The following EPB41L3 variants were observed in gnomAD, a reference collection of about 807,000 sequenced individuals.
EPB41L3 encodes the protein erythrocyte membrane protein band 4.1 like 3.
EPB41L3 carries 57 observed loss-of-function variants against 127.1 expected under a neutral mutation model. That is an observed-to-expected ratio of 0.45 (90% CI 0.36 to 0.56). EPB41L3 has a LOEUF of 0.56. EPB41L3 is among the 20% of genes least tolerant of loss of function. The pLI is 0.00. For missense variants in EPB41L3, 1,273 were observed against 1,372.2 expected (o/e 0.93, Z 1.14); for synonymous variants, 572 against 549.5 (o/e 1.04, Z -0.57).
intron 3 of EPB41L3, among the ~76,000 whole-genome samples, chr18:5,584,953 C>T (rs2094429548): frequency 6.6e-6 from 1 of 152,190 alleles, no homozygotes; most frequent in Non-Finnish European, 1.5e-5. Flanking sequence ...CTGTGTGACT[C>T]TTACTGTCTC....
intron 3 of EPB41L3, among the ~76,000 whole-genome samples, chr18:5,560,540 A>G (rs2094109767): frequency 6.6e-6 from 1 of 152,250 alleles, no homozygotes; most frequent in African/African-American, 2.4e-5. Flanking sequence ...CAGGTAAAGT[A>G]CAAGTTCTTC....
chr18:5,467,055 G>A (rs2085125841), intron 3 of EPB41L3, among the ~76,000 whole-genome samples: 1 of 152,172 alleles, frequency 6.6e-6, no homozygotes, highest in Non-Finnish European at 1.5e-5. Flanking sequence ...CTCCAGAAGG[G>A]AAGGTTAGGG....
chr18:5,489,017 G>T lies in EPB41L3; in HGVS notation c.167C>A (p.Thr56Asn). The T allele has an allele frequency of 1.3e-6, 2 of 1,586,160 alleles. No individual in the cohort carries two copies. The highest frequency in any genetic ancestry group is 8.5e-7 in the Non-Finnish European group (1 of 1,174,434). ...TGGGCTCACCTCCCTCCGCACCGGG[G>T]TGCTGTGCGCTGCAGCGGCGGCGAA... ...EQFAAAAAHSTPVRREVTDKE... is the reference protein window; with the variant it reads ...EQFAAAAAHSNPVRREVTDKE... Residue 56 changes from threonine (T) to asparagine (N), a missense_variant, in exon 2 of 23, where the codon ACC becomes AAC. Transcript: ENST00000341928.
At chr18:5,460,702 A>T (rs1323033592) in intron 3 of EPB41L3, among the ~76,000 whole-genome samples, 1 of 152,162 alleles carries the variant, frequency 6.6e-6, no homozygotes. Flanking sequence ...GTTTAATCTT[A>T]AACTGGCCCT....
At chr18:5,571,796 T>C (rs191111301) in intron 3 of EPB41L3, among the ~76,000 whole-genome samples, 24 of 151,676 alleles carry the variant, frequency 1.6e-4, no homozygotes, top group Admixed American at 1.3e-4. Context: ...TTCCCAAATA[T>C]GTTGGCAACA....
intron 3 of EPB41L3, among the ~76,000 whole-genome samples, chr18:5,472,193 A>G (rs1206426234): frequency 1.3e-5 from 2 of 152,224 alleles, no homozygotes; most frequent in Non-Finnish European, 2.9e-5. Context: ...TGTTTTAATG[A>G]AACCTTATTG....
At chr18:5,575,003 C>T (rs1056382975) in intron 3 of EPB41L3, among the ~76,000 whole-genome samples, 6 of 152,154 alleles carry the variant, frequency 3.9e-5, no homozygotes, top group South Asian at 2.1e-4. Context: ...CCCTTCATCA[C>T]TTCCTGTACC....
At chr18:5,496,347 A>G (rs2091176319) in intron 1 of EPB41L3, among the ~76,000 whole-genome samples, 1 of 152,246 alleles carries the variant, frequency 6.6e-6, no homozygotes, top group South Asian at 2.1e-4. Flanking sequence ...AACACCAAGA[A>G]TCTTTGGTTG....
chr18:5,512,676 TGAG>T (rs1260996959), intron 1 of EPB41L3, among the ~76,000 whole-genome samples: 5 of 152,040 alleles, frequency 3.3e-5, no homozygotes, highest in African/African-American at 1.2e-4. Flanking sequence ...AGAAAGAAGA[TGAG>T]GGGTTGAATA....
intron 16 of EPB41L3, chr18:5,398,694 G>A: frequency 2.5e-6 from 1 of 399,476 alleles, no homozygotes; most frequent in Non-Finnish European, 4.4e-6. Flanking sequence ...ATGGGCAGTA[G>A]CAACGGTAAA....
chr18:5,584,086 G>A (rs1170954742), intron 3 of EPB41L3, among the ~76,000 whole-genome samples: 2 of 152,196 alleles, frequency 1.3e-5, no homozygotes, highest in African/African-American at 2.4e-5. Context: ...ACAGGTGTGA[G>A]CCTCTGTGCC....
chr18:5,428,531 G>C (rs774806973), intron 8 of EPB41L3, 66 bp from the exon 9 acceptor site: 1 of 1,581,382 alleles, frequency 6.3e-7, no homozygotes, highest in Non-Finnish European at 8.7e-7. Flanking sequence ...GCTGGGTAAA[G>C]TATTTAAGCA....
intron 3 of EPB41L3, among the ~76,000 whole-genome samples, chr18:5,474,914 C>T (rs1209042786): frequency 6.6e-6 from 1 of 152,170 alleles, no homozygotes; most frequent in East Asian, 1.9e-4. Context: ...GTGCGTACAT[C>T]ATCACAAGGT....
intron 3 of EPB41L3, among the ~76,000 whole-genome samples, chr18:5,460,086 T>C (rs978178978): frequency 6.6e-6 from 1 of 152,202 alleles, no homozygotes; most frequent in Non-Finnish European, 1.5e-5. Flanking sequence ...CCAGTGTCTA[T>C]TGTCCCTATT....
intron 1 of EPB41L3, among the ~76,000 whole-genome samples, chr18:5,615,316 A>C (rs1275319803): frequency 6.6e-6 from 1 of 151,920 alleles, no homozygotes; most frequent in Non-Finnish European, 1.5e-5. Context: ...TTATGAATCG[A>C]CTTTGGCTTG....
intron 3 of EPB41L3, among the ~76,000 whole-genome samples, chr18:5,455,681 C>T (rs116262111): frequency 3.3e-5 from 5 of 150,480 alleles, no homozygotes; most frequent in African/African-American, 9.8e-5. Flanking sequence ...TACTTGAAAC[C>T]AGACTTTTGC....
chr18:5,523,926 A>C (rs1289540106), intron 1 of EPB41L3, among the ~76,000 whole-genome samples: 3 of 152,204 alleles, frequency 2.0e-5, no homozygotes, highest in African/African-American at 7.2e-5. Context: ...CTACAAGTAG[A>C]TATTTAAATG....
chr18:5,449,651 G>GA (rs1361402762), intron 3 of EPB41L3, among the ~76,000 whole-genome samples: 1 of 152,048 alleles, frequency 6.6e-6, no homozygotes, highest in Admixed American at 6.6e-5. Flanking sequence ...ATTGATAAAA[G>GA]AAAAAATGAG....
At chr18:5,557,863 T>A (rs544726264) in intron 3 of EPB41L3, among the ~76,000 whole-genome samples, 1 of 152,218 alleles carries the variant, frequency 6.6e-6, no homozygotes, top group African/African-American at 2.4e-5. Context: ...TCAGATCCAC[T>A]GAGCACCAAA....
Sources: allele counts gnomAD v4.1 joint callset (sites outside exome capture counted in the v4.1 genomes callset), GRCh38; gene constraint gnomAD v4.1.1; transcripts MANE v1.5; gene names NCBI Gene and HGNC (gene_info 2026-07-23, HGNC 2026-07-21).